GALNT13: variants seen among roughly 807,000 people sequenced by gnomAD.
GALNT13 encodes the protein polypeptide N-acetylgalactosaminyltransferase 13.
A neutral mutation model predicts 64.2 loss-of-function variants in GALNT13; 28 were observed. The ratio of observed to expected loss-of-function variants is 0.44; its 90% CI spans 0.32 to 0.60. The LOEUF (loss-of-function observed/expected upper bound fraction) is 0.60, where lower values mean the gene tolerates loss of function less well. Among genes scored for constraint, GALNT13 ranks in the 20% least tolerant of loss-of-function variants. The pLI is 0.05. For missense variants in GALNT13, 577 were observed against 669.8 expected, an observed-to-expected ratio of 0.86 and a Z score of 1.53; for synonymous variants, 214 against 224.6, an observed-to-expected ratio of 0.95 and a Z score of 0.42.
chr2:153,696,168 G>A, the GALNT13 span, among the ~76,000 whole-genome samples: 14 of 152,086 alleles, frequency 9.2e-5, no homozygotes, highest in Non-Finnish European at 1.5e-4. Flanking sequence ...TCAGTCTGTC[G>A]CCAAAGGCCC....
intron 2 of GALNT13, among the ~76,000 whole-genome samples, chr2:153,924,705 C>T (rs969181591): frequency 3.3e-5 from 5 of 152,136 alleles, no homozygotes; most frequent in African/African-American, 9.7e-5. Context: ...TTTTTCTCCA[C>T]GACCTCGTCA....
intron 3 of GALNT13, among the ~76,000 whole-genome samples, chr2:154,029,514 A>T (rs919631549): frequency 6.6e-6 from 1 of 152,152 alleles, no homozygotes; most frequent in Non-Finnish European, 1.5e-5. Context: ...GTAACAACAA[A>T]TCCCAAACCT....
chr2:153,252,293 C>T, the GALNT13 span, among the ~76,000 whole-genome samples: 1 of 101,584 alleles, frequency 9.8e-6, no homozygotes, highest in Non-Finnish European at 2.0e-5. Flanking sequence ...CTGTTCATGT[C>T]CTTCGCCCAC....
At chr2:154,274,430 T>C (rs998320617) in intron 8 of GALNT13, among the ~76,000 whole-genome samples, 2 of 152,150 alleles carry the variant, frequency 1.3e-5, no homozygotes, top group African/African-American at 2.4e-5. Flanking sequence ...ATCCTTGATA[T>C]AGTTTGGCTG....
At chr2:153,274,385 C>T in the GALNT13 span, among the ~76,000 whole-genome samples, 1 of 152,026 alleles carries the variant, frequency 6.6e-6, no homozygotes, top group Non-Finnish European at 1.5e-5. Flanking sequence ...TGTCTTGCAC[C>T]ACAACATTTT....
chr2:153,503,380 G>C, the GALNT13 span, among the ~76,000 whole-genome samples: 1 of 152,078 alleles, frequency 6.6e-6, no homozygotes, highest in African/African-American at 2.4e-5. Context: ...TCAAAGATCA[G>C]TTGGCTTCAT....
the GALNT13 span, among the ~76,000 whole-genome samples, chr2:153,492,996 G>A: frequency 2.0e-5 from 3 of 151,964 alleles, no homozygotes; most frequent in South Asian, 4.1e-4. Context: ...ATGATAATGT[G>A]AAAACAATAT....
At chr2:153,202,885 C>G in the GALNT13 span, among the ~76,000 whole-genome samples, 250 of 152,216 alleles carry the variant, frequency 1.6e-3, no homozygotes, top group African/African-American at 5.8e-3. Context: ...TTCAGTATAA[C>G]AAAATGATAA....
At chr2:153,879,556 A>G (rs1022686815) in intron 1 of GALNT13, among the ~76,000 whole-genome samples, 6 of 149,804 alleles carry the variant, frequency 4.0e-5, no homozygotes, top group African/African-American at 1.5e-4. Flanking sequence ...TTTTTTTGGT[A>G]GAGACAGAGT....
intron 9 of GALNT13, among the ~76,000 whole-genome samples, chr2:154,351,176 T>G (rs1041803694): frequency 3.3e-5 from 5 of 152,100 alleles, no homozygotes; most frequent in Non-Finnish European, 5.9e-5. Flanking sequence ...ACTTTGCGCT[T>G]TGGCTGTGAT....
At chr2:153,316,639 C>CAAAAAA in the GALNT13 span, among the ~76,000 whole-genome samples, 7 of 69,856 alleles carry the variant, frequency 1.0e-4, no homozygotes, top group African/African-American at 2.3e-4. Context: ...GACTCCGTCT[C>CAAAAAA]AAAAAAAAAA....
chr2:153,246,550 G>A, the GALNT13 span, among the ~76,000 whole-genome samples: 1 of 152,170 alleles, frequency 6.6e-6, no homozygotes, highest in East Asian at 1.9e-4. Context: ...GCCAAACTAA[G>A]CTTCATAAGT....
the GALNT13 span, among the ~76,000 whole-genome samples, chr2:153,770,502 G>A: frequency 2.0e-5 from 3 of 152,182 alleles, no homozygotes; most frequent in Admixed American, 6.5e-5. Flanking sequence ...CCAGTGCTAC[G>A]CACTGGTGTT....
At chr2:154,017,912 T>G (rs995773625) in intron 3 of GALNT13, among the ~76,000 whole-genome samples, 1 of 152,182 alleles carries the variant, frequency 6.6e-6, no homozygotes, top group Non-Finnish European at 1.5e-5. Context: ...CCTATTTATA[T>G]TTTCAGTTTA....
chr2:154,258,610 A>G (rs1276595914), intron 7 of GALNT13, among the ~76,000 whole-genome samples: 1 of 151,922 alleles, frequency 6.6e-6, no homozygotes, highest in Non-Finnish European at 1.5e-5. Flanking sequence ...AACCATGTCC[A>G]CAGATTTCTA....
chr2:154,348,570 C>G (rs1159630842), intron 9 of GALNT13, among the ~76,000 whole-genome samples: 1 of 151,918 alleles, frequency 6.6e-6, no homozygotes, highest in Non-Finnish European at 1.5e-5. Context: ...GGAGCCCTGA[C>G]CCCGAAGTCT....
intron 9 of GALNT13, among the ~76,000 whole-genome samples, chr2:154,371,760 C>CTTTT (rs11429388): frequency 2.8e-5 from 4 of 145,390 alleles, no homozygotes; most frequent in East Asian, 2.0e-4. Flanking sequence ...AGGCCTTAAG[C>CTTTT]TTTTTTTGTG....
the GALNT13 span, among the ~76,000 whole-genome samples, chr2:153,561,481 G>A: frequency 6.6e-6 from 1 of 151,876 alleles, no homozygotes. Flanking sequence ...TAATTATTTT[G>A]GGCACAAAAT....
At chr2:153,967,963 C>T (rs776355160) in intron 3 of GALNT13, among the ~76,000 whole-genome samples, 2 of 152,022 alleles carry the variant, frequency 1.3e-5, no homozygotes. Context: ...CTGGTACCCA[C>T]GTTGCAAGAC....
Sources: gnomAD v4.1 joint callset for allele counts (sites outside exome capture counted in the v4.1 genomes callset) on GRCh38, gnomAD v4.1.1 for gene constraint, MANE v1.5 for transcripts, NCBI Gene and HGNC (gene_info 2026-07-23, HGNC 2026-07-21) for gene names.